LRRC7: variants seen among roughly 807,000 people sequenced by gnomAD.
LRRC7 encodes leucine rich repeat containing 7.
In LRRC7, 23 loss-of-function variants were observed where a neutral mutation model predicts 175.7. The observed-to-expected ratio is 0.13, with a 90% CI of 0.09 to 0.19. LRRC7 has a LOEUF of 0.19. Among genes scored for constraint, LRRC7 ranks in the 10% least tolerant of loss-of-function variants. The probability of loss-of-function intolerance (pLI) is 1.00; values close to 1 mark genes in which losing one functional copy is unlikely to be tolerated. For synonymous variants in LRRC7, 685 were observed against 680.9 expected (o/e 1.01, Z -0.09); for missense variants, 1,354 against 1,904.7 (o/e 0.71, Z 5.38).
intron 8 of LRRC7, among the ~76,000 whole-genome samples, chr1:69,943,949 AACACACACACACACACACAC>A (rs55900412): frequency 6.9e-6 from 1 of 145,404 alleles, no homozygotes; most frequent in Non-Finnish European, 1.5e-5. Context: ...TATCATGGTA[AACACACACACACACACACAC>A]ACACACACAC....
intron 2 of LRRC7, among the ~76,000 whole-genome samples, chr1:69,718,138 G>GAAAGAAAGAAAGAAAGAA (rs772161376): frequency 0.062 from 2,486 of 40,134 alleles, 89 homozygotes; most frequent in South Asian, 0.089. Flanking sequence ...AAGAAAGAAA[G>GAAAGAAAGAAAGAAAGAA]AGAGAGAAAG....
At chr1:69,580,152 C>A (rs1646136639) in intron 1 of LRRC7, among the ~76,000 whole-genome samples, 1 of 152,044 alleles carries the variant, frequency 6.6e-6, no homozygotes, top group Non-Finnish European at 1.5e-5. Flanking sequence ...TAGAGAATAA[C>A]CTACTCTTCC....
At chr1:69,685,972 A>T (rs1661091989) in intron 2 of LRRC7, among the ~76,000 whole-genome samples, 1 of 152,146 alleles carries the variant, frequency 6.6e-6, no homozygotes, top group Admixed American at 6.5e-5. Flanking sequence ...AAAATATTTA[A>T]AACAGCCAGA....
intron 1 of LRRC7, among the ~76,000 whole-genome samples, chr1:69,672,660 A>T (rs1317440752): frequency 6.6e-6 from 1 of 152,202 alleles, no homozygotes. Context: ...CAGTGAGCCA[A>T]TCATTCTCCT....
chr1:69,762,670 A>C (rs1248170203), intron 3 of LRRC7, among the ~76,000 whole-genome samples: 1 of 152,050 alleles, frequency 6.6e-6, no homozygotes, highest in Non-Finnish European at 1.5e-5. Flanking sequence ...TGCATTGATA[A>C]GATAATTCCA....
In LRRC7 at chr1:69,764,730, CAGATAGATAGATAGAT is replaced by C. The variant is rs112836690; in HGVS notation, c.303+4373_303+4388del. ...ATAGATAGGTAGGTAGATAGATAGA[CAGATAGATAGATAGAT>C]AGATAGATAGATAGATAGATAGATA... On this transcript the variant is annotated intron_variant, in intron 3 of 26. Transcript: ENST00000651989. Among the ~76,000 whole-genome samples the C allele has an allele frequency of 5.0e-5, 7 of 140,300 alleles. No homozygotes were observed. In the South Asian group the frequency reaches 7.2e-4, roughly 14 times the overall value. 92.0% of individuals were successfully genotyped at this position (140,300 alleles called of 152,430 possible).
intron 8 of LRRC7, among the ~76,000 whole-genome samples, chr1:69,969,768 A>G (rs966004839): frequency 2.3e-4 from 35 of 152,290 alleles, no homozygotes; most frequent in African/African-American, 7.2e-4. Flanking sequence ...ACTATACCCC[A>G]GAACAAATAG....
At chr1:70,105,428 G>C (rs953712425) in intron 25 of LRRC7, among the ~76,000 whole-genome samples, 44 of 152,052 alleles carry the variant, frequency 2.9e-4, no homozygotes, top group African/African-American at 1.0e-3. Flanking sequence ...AAAAAAATCT[G>C]ATGTCCCATT....
chr1:70,084,173 T>A (rs1035725284), intron 24 of LRRC7, among the ~76,000 whole-genome samples: 2 of 152,228 alleles, frequency 1.3e-5, no homozygotes, highest in African/African-American at 2.4e-5. Flanking sequence ...ATTGATATAA[T>A]TTATATACAG....
intron 2 of LRRC7, among the ~76,000 whole-genome samples, chr1:69,739,357 G>C (rs1668462185): frequency 6.6e-6 from 1 of 152,028 alleles, no homozygotes; most frequent in Admixed American, 6.6e-5. Context: ...TCACAGAAGG[G>C]GCAGCCATAG....
At chr1:69,898,962 A>G (rs1646057777) in intron 7 of LRRC7, among the ~76,000 whole-genome samples, 1 of 152,234 alleles carries the variant, frequency 6.6e-6, no homozygotes, top group Admixed American at 6.5e-5. Context: ...TCTCAGTAAG[A>G]GGGAGTTAGA....
chr1:69,923,867 A>G (rs1475520663), intron 7 of LRRC7, among the ~76,000 whole-genome samples: 4 of 152,098 alleles, frequency 2.6e-5, no homozygotes, highest in Middle Eastern at 3.4e-3. Context: ...TTAGACATGA[A>G]GTCCTTGCCC....
rs183970572 is a variant in LRRC7 at position 70,065,435 on chromosome 1, C to T, written c.4231-10642C>T. 1.1e-4 allele frequency among the ~76,000 whole-genome samples: 16 copies of T among 151,834 alleles called. No homozygotes were observed. The East Asian group carries it at 3.1e-3, about 29-fold the overall frequency. On this transcript the variant is annotated intron_variant, in intron 23 of 26. Coordinates refer to ENST00000651989, the MANE Select transcript of LRRC7 (RefSeq NM_001370785.2). Reference sequence around the variant, plus strand: ...ATGATGTAAAATACTTATCACAGTGCCTGTTATGTAAGTGTTTAATTAATG... The same window carrying T: ...ATGATGTAAAATACTTATCACAGTGTCTGTTATGTAAGTGTTTAATTAATG...
chr1:69,689,533 G>C (rs919769927), intron 2 of LRRC7, among the ~76,000 whole-genome samples: 4 of 152,116 alleles, frequency 2.6e-5, no homozygotes, highest in African/African-American at 9.7e-5. Flanking sequence ...TATTCATGCT[G>C]CAATATCAGA....
At chr1:69,769,760 G>GTTGTT (rs997900093) in intron 3 of LRRC7, among the ~76,000 whole-genome samples, 8 of 152,136 alleles carry the variant, frequency 5.3e-5, no homozygotes, top group Non-Finnish European at 7.4e-5. Flanking sequence ...GTTTAGTGAA[G>GTTGTT]TTGTTTTGCA....
At chr1:70,088,520 C>CTA (rs1663779190) in intron 24 of LRRC7, among the ~76,000 whole-genome samples, 1 of 152,074 alleles carries the variant, frequency 6.6e-6, no homozygotes, top group Admixed American at 6.6e-5. Flanking sequence ...CAACACTGCA[C>CTA]TATAGCCTGG....
At chr1:69,999,340 C>CT (rs1401806878) in intron 11 of LRRC7, among the ~76,000 whole-genome samples, 1 of 152,114 alleles carries the variant, frequency 6.6e-6, no homozygotes, top group East Asian at 1.9e-4. Context: ...TCTATGAACA[C>CT]TGAGAAGGCA....
chr1:69,957,247 C>T (rs1268507824), intron 8 of LRRC7, among the ~76,000 whole-genome samples: 1 of 151,754 alleles, frequency 6.6e-6, no homozygotes, highest in Non-Finnish European at 1.5e-5. Flanking sequence ...TTTATTATGA[C>T]TTGGTTCTTG....
At chr1:70,016,616 A>C in intron 14 of LRRC7, 82 bp downstream of exon 14, 1 of 1,022,640 alleles carries the variant, frequency 9.8e-7, no homozygotes, top group Non-Finnish European at 1.4e-6. Context: ...CCCAATAGAT[A>C]CCTTTGACAG....
Sources: gnomAD v4.1 joint callset for allele counts (sites outside exome capture counted in the v4.1 genomes callset) on GRCh38, gnomAD v4.1.1 for gene constraint, MANE v1.5 for transcripts, NCBI Gene and HGNC (gene_info 2026-07-23, HGNC 2026-07-21) for gene names.